Variants in KIAA0319 observed in about 807,000 individuals in gnomAD.
KIAA0319 encodes KIAA0319.
In KIAA0319, 83 loss-of-function variants were observed where a neutral mutation model predicts 108.4. That is an observed-to-expected ratio of 0.77 (90% CI 0.64 to 0.92). KIAA0319 has a LOEUF of 0.92. Ranked by LOEUF, KIAA0319 falls within the 40% of genes least tolerant of loss-of-function variation. The pLI, the probability that KIAA0319 is intolerant of heterozygous loss-of-function variation, is 0.00. For missense variants in KIAA0319, 1,195 were observed against 1,322.4 expected (o/e 0.90, Z 1.49); for synonymous variants, 484 against 510.4 (o/e 0.95, Z 0.70).
chr6:24,588,566 C>T (rs770594380), intron 4 of KIAA0319, 27 bp downstream of exon 4: 1 of 1,586,666 alleles, frequency 6.3e-7, no homozygotes. Context: ...CAGTACATTT[C>T]TTGAAATTGT....
At chr6:24,600,839 C>T in intron 2 of KIAA0319, 1 of 767,248 alleles carries the variant, frequency 1.3e-6, no homozygotes, top group Non-Finnish European at 2.1e-6. Context: ...ATTTTATTTT[C>T]CCATGGAATA....
At chr6:24,635,128 G>A (rs1442309479) in intron 1 of KIAA0319, among the ~76,000 whole-genome samples, 1 of 146,958 alleles carries the variant, frequency 6.8e-6, no homozygotes, top group Non-Finnish European at 1.5e-5. Context: ...TTTTTGAAAT[G>A]GAGTTTCACT....
At chr6:24,562,758 G>C (rs1171756076) in intron 16 of KIAA0319, among the ~76,000 whole-genome samples, 1 of 152,156 alleles carries the variant, frequency 6.6e-6, no homozygotes, top group African/African-American at 2.4e-5. Context: ...AGAATCACTT[G>C]AATCTGAAAG....
intron 14 of KIAA0319, among the ~76,000 whole-genome samples, chr6:24,565,984 A>G (rs1197826640): frequency 2.0e-5 from 3 of 152,196 alleles, no homozygotes; most frequent in East Asian, 3.9e-4. Context: ...CTTCCAAGCT[A>G]TGGTTTCCTG....
At chr6:24,607,769 G>A (rs1306361017) in intron 1 of KIAA0319, among the ~76,000 whole-genome samples, 1 of 151,994 alleles carries the variant, frequency 6.6e-6, no homozygotes, top group Non-Finnish European at 1.5e-5. Context: ...TCTACTAATA[G>A]TAACAATTTT....
At chr6:24,642,731 T>C (rs149181964) in intron 1 of KIAA0319, among the ~76,000 whole-genome samples, 8,696 of 152,270 alleles carry the variant, frequency 0.057, 334 homozygotes, top group Non-Finnish European at 0.079. Context: ...CATTTTTTTT[T>C]TTTTTGAATT....
At chr6:24,625,818 AAC>A (rs754277584) in intron 1 of KIAA0319, among the ~76,000 whole-genome samples, 12 of 152,352 alleles carry the variant, frequency 7.9e-5, no homozygotes, top group East Asian at 1.9e-4. Flanking sequence ...CTAACATACT[AAC>A]AGCATCACAA....
intron 20 of KIAA0319, among the ~76,000 whole-genome samples, chr6:24,549,389 C>CAGTG (rs2127407494): frequency 6.6e-6 from 1 of 150,920 alleles, no homozygotes; most frequent in South Asian, 2.1e-4. Flanking sequence ...TGTGAGGATG[C>CAGTG]AGTGAGGAGG....
At chr6:24,557,598 A>G (rs916998772) in intron 17 of KIAA0319, among the ~76,000 whole-genome samples, 21 of 152,232 alleles carry the variant, frequency 1.4e-4, no homozygotes, top group African/African-American at 4.6e-4. Context: ...GACATGCCCA[A>G]AGATTTATCT....
rs1395154215 is a variant in KIAA0319 at position 24,568,962 on chromosome 6, G to C, written c.1992-33C>G. The C allele has an allele frequency of 7.5e-6, 12 of 1,604,444 alleles. No individual in the cohort carries two copies. In the South Asian group the frequency reaches 1.3e-4, roughly 18 times the overall value. Reference sequence around the variant, plus strand: ...ACATAGAAGTGGTTAACATAAGGGAGGGGGCATGGGGTTTTGAATATGACA... The same window carrying C: ...ACATAGAAGTGGTTAACATAAGGGACGGGGCATGGGGTTTTGAATATGACA... On this transcript the variant is annotated intron_variant, in intron 12 of 20. Coordinates refer to ENST00000378214, the MANE Select transcript of KIAA0319 (RefSeq NM_014809.4).
intron 1 of KIAA0319, among the ~76,000 whole-genome samples, chr6:24,621,986 C>A (rs1774013345): frequency 6.6e-6 from 1 of 152,112 alleles, no homozygotes; most frequent in Non-Finnish European, 1.5e-5. Context: ...TCCATGGGGC[C>A]CTGGTGGCAG....
chr6:24,615,696 T>G (rs1322507730), intron 1 of KIAA0319, among the ~76,000 whole-genome samples: 1 of 152,224 alleles, frequency 6.6e-6, no homozygotes, highest in Non-Finnish European at 1.5e-5. Context: ...ATAACCACCT[T>G]TAACACTTAC....
chr6:24,597,600 G>A (rs1366874111), intron 2 of KIAA0319, among the ~76,000 whole-genome samples: 2 of 152,154 alleles, frequency 1.3e-5, no homozygotes, highest in Non-Finnish European at 2.9e-5. Flanking sequence ...GAATCTATTA[G>A]AGACACTCTA....
Position 24,596,591 on chromosome 6 carries a change from C to T in KIAA0319, c.83G>A (p.Gly28Glu), listed in dbSNP as rs1401911854. Reference sequence around the variant, plus strand: ...AATGACTGCATTGGAATATGTCCTCCCCTCGCTGCACTGCTTACGGGCACA... The same window carrying T: ...AATGACTGCATTGGAATATGTCCTCTCCTCGCTGCACTGCTTACGGGCACA... ...AGCARKQCSE[G>E]RTYSNAVISP... The change falls in exon 3 of 21, where the codon GGG (glycine) becomes GAG (glutamate). Residue 28 changes from glycine to glutamate, a missense_variant. Physicochemically the swap from Gly to Glu is moderately conservative, Grantham distance 98. Coordinates refer to ENST00000378214, the MANE Select transcript of KIAA0319 (RefSeq NM_014809.4). 3 of 1,612,072 alleles carry T rather than the reference C, an allele frequency of 1.9e-6. No homozygotes were observed. The highest frequency in any genetic ancestry group is 1.7e-5 in the Admixed American group (1 of 60,000).
rs535862527 is a variant in KIAA0319 at position 24,618,454 on chromosome 6, A to T, written c.-105-17246T>A. 1.9e-4 allele frequency among the ~76,000 whole-genome samples: 28 copies of T among 148,396 alleles called. No homozygotes were observed. The South Asian group carries it at 5.3e-3, about 28-fold the overall frequency. The stretch of plus-strand genomic sequence containing the variant: ...TGAGATGTCATCTCTATTAAAACTT[A>T]AAAAAAAAAATTAGCCAGGCATGGT... On this transcript the variant is annotated intron_variant, in intron 1 of 20. Coordinates refer to ENST00000378214, the MANE Select transcript of KIAA0319 (RefSeq NM_014809.4).
intron 16 of KIAA0319, among the ~76,000 whole-genome samples, chr6:24,562,516 C>T (rs1191796425): frequency 6.6e-6 from 1 of 152,088 alleles, no homozygotes; most frequent in Non-Finnish European, 1.5e-5. Flanking sequence ...CTCCCTCCTC[C>T]CACTCCACCC....
chr6:24,542,302 C>T (rs1365122735), downstream of KIAA0319, among the ~76,000 whole-genome samples: 1 of 152,230 alleles, frequency 6.6e-6, no homozygotes, highest in Non-Finnish European at 1.5e-5. Context: ...ATTAGTTTAA[C>T]TACAATACCC....
chr6:24,571,891 T>C (rs1764777000), intron 11 of KIAA0319, among the ~76,000 whole-genome samples: 2 of 152,252 alleles, frequency 1.3e-5, no homozygotes, highest in Non-Finnish European at 2.9e-5. Flanking sequence ...GCAGTTATTT[T>C]AGTAGAGCGC....
At chr6:24,610,335 C>G (rs899424333) in intron 1 of KIAA0319, among the ~76,000 whole-genome samples, 1 of 152,018 alleles carries the variant, frequency 6.6e-6, no homozygotes, top group Non-Finnish European at 1.5e-5. Context: ...TGAAAATATG[C>G]TCAATATCAT....
Sources: allele counts gnomAD v4.1 joint callset (sites outside exome capture counted in the v4.1 genomes callset), GRCh38; gene constraint gnomAD v4.1.1; transcripts MANE v1.5; gene names NCBI Gene and HGNC (gene_info 2026-07-23, HGNC 2026-07-21).